Variants in ZNF200 observed in about 807,000 individuals in gnomAD.
The protein encoded by ZNF200 is zinc finger protein 200.
Under a neutral mutation model 33.6 loss-of-function variants are expected in ZNF200, and 35 were observed. The observed-to-expected ratio is 1.04, with a 90% confidence interval of 0.80 to 1.38. The LOEUF (loss-of-function observed/expected upper bound fraction) is 1.38. ZNF200 is among the 40% of genes most tolerant of loss of function. The pLI is 0.00. For synonymous variants in ZNF200, 209 were observed against 167.7 expected (o/e 1.25, Z -1.90); for missense variants, 592 against 470.6 (o/e 1.26, Z -2.39).
rs1805082948 is a variant in ZNF200, at chr16:3,222,511, A to T, written c.*1381T>A. ...TAATGGAAAAAACTACAATAACAAA[A>T]TTGTGTAAAACAAGTGAAGAAAATT... On this transcript the variant is annotated 3_prime_UTR_variant, in exon 5 of 5. Transcript: ENST00000414144. 1 of 152,236 alleles carries T rather than the reference A, an allele frequency of 6.6e-6. No individual in the cohort carries two copies. Among genetic ancestry groups the T allele is most frequent in the African/African-American group, 2.4e-5 (1 of 41,468 alleles). The allele number at this position is 152,236 out of a possible 1,614,324, so 9.4% of individuals were successfully genotyped here.
In ZNF200 at chr16:3,232,470, G is replaced by A; in HGVS notation, c.417C>T (p.Leu139=). 6.2e-7 allele frequency: 1 copy of A among 1,614,106 alleles called. No homozygotes were observed. Among genetic ancestry groups the A allele is most frequent in the Non-Finnish European group, 8.5e-7 (1 of 1,179,986 alleles). The change falls in exon 4 of 5, where the codon CTC becomes CTT. Residue 139 remains leucine, a synonymous_variant. Transcript: ENST00000414144. The part of the protein sequence containing the change: ...ECVSLDPTQQ[L]TSEKEDDSSV... ...TGCTGTCATCTTCCTTCTCTGACGT[G>A]AGTTGTTGAGTAGGATCCAAGCTCA...
chr16:3,223,697 A>G lies in ZNF200; in HGVS notation c.*195T>C. 2.6e-6 allele frequency: 2 copies of G among 776,202 alleles called. No homozygotes were observed. Among genetic ancestry groups the G allele is most frequent in the Non-Finnish European group, 3.9e-6 (2 of 507,650 alleles). The allele number at this position is 776,202 out of a possible 1,614,324, so 48.1% of individuals were successfully genotyped here. ...CCAAAAAGCCTAGATGCTGAGGTAT[A>G]GCCCTTGAAATGTTTTCTTCCCTGT... On this transcript the variant is annotated 3_prime_UTR_variant, in exon 5 of 5. Coordinates refer to ENST00000414144, the MANE Select transcript of ZNF200 (RefSeq NM_198088.3).
At chr16:3,225,060 A>G (rs1178005101) in intron 4 of ZNF200, 1 of 156,582 alleles carries the variant, frequency 6.4e-6, no homozygotes, top group Non-Finnish European at 1.4e-5. Context: ...TCACACTATT[A>G]TAGCACTAAA....
chr16:3,229,474 T>C (rs1279634337), intron 4 of ZNF200, among the ~76,000 whole-genome samples: 1 of 151,912 alleles, frequency 6.6e-6, no homozygotes, highest in African/African-American at 2.4e-5. Context: ...CCAATTTCCA[T>C]AGAGAAAATT....
At position 3,223,118 on chromosome 16, in the gene ZNF200, T is replaced by A. The variant is rs1958372869; in HGVS notation, c.*774A>T. 6.6e-6 allele frequency: 1 copy of A among 152,256 alleles called. No homozygotes were observed. Among genetic ancestry groups the A allele is most frequent in the African/African-American group, 2.4e-5 (1 of 41,456 alleles). 9.4% of individuals were successfully genotyped at this position (152,256 alleles called of 1,614,324 possible). ...TGAAGAGCTTTTCTAGTGGTGGGGC[T>A]GGATGGCCCTGCCTGAGTAATCCAA... On this transcript the variant is annotated 3_prime_UTR_variant, in exon 5 of 5. Coordinates refer to ENST00000414144, the MANE Select transcript of ZNF200 (RefSeq NM_198088.3).
chr16:3,228,751 T>C (rs1041069689), intron 4 of ZNF200, among the ~76,000 whole-genome samples: 1 of 152,032 alleles, frequency 6.6e-6, no homozygotes, highest in African/African-American at 2.4e-5. Flanking sequence ...TCACCCGCCT[T>C]TGCCTCCCAA....
intron 4 of ZNF200, chr16:3,224,874 C>T: frequency 2.2e-6 from 1 of 457,826 alleles, no homozygotes; most frequent in South Asian, 2.8e-5. Context: ...TTGTTCTCTT[C>T]ATAGGTGTTA....
At chr16:3,227,622 G>C (rs1958506477) in intron 4 of ZNF200, 1 of 152,190 alleles carries the variant, frequency 6.6e-6, no homozygotes, top group Non-Finnish European at 1.5e-5. Flanking sequence ...TCATGATAGT[G>C]AGTTCTCATG....
chr16:3,228,919 C>T (rs778458022), intron 4 of ZNF200, among the ~76,000 whole-genome samples: 2 of 152,030 alleles, frequency 1.3e-5, no homozygotes, highest in Non-Finnish European at 2.9e-5. Context: ...AAACATTATA[C>T]AGACCTTCAT....
chr16:3,231,956 G>A (rs1958646143), intron 4 of ZNF200, among the ~76,000 whole-genome samples: 3 of 152,190 alleles, frequency 2.0e-5, no homozygotes, highest in African/African-American at 7.2e-5. Flanking sequence ...CTAGTGCCTA[G>A]CATGTAACAG....
At chr16:3,231,764 C>T (rs1276961015) in intron 4 of ZNF200, among the ~76,000 whole-genome samples, 1 of 152,192 alleles carries the variant, frequency 6.6e-6, no homozygotes. Flanking sequence ...ACTGCAAATT[C>T]TGATGTCAGA....
chr16:3,229,990 G>A (rs570613433), intron 4 of ZNF200, among the ~76,000 whole-genome samples: 5 of 152,244 alleles, frequency 3.3e-5, no homozygotes, highest in Non-Finnish European at 4.4e-5. Flanking sequence ...AGTCGGAGGT[G>A]TCTGCATCAT....
At position 3,222,773 on chromosome 16, in the gene ZNF200, G is replaced by A. The variant is rs1416986507; in HGVS notation, c.*1119C>T. On this transcript the variant is annotated 3_prime_UTR_variant, in exon 5 of 5. Transcript: ENST00000414144. ...TTGCTTCTAGGCAGAGGACAGGAAGGTATGGATATCAAGAGGCTGAAGACA... is the reference window on the plus strand; with the variant it reads ...TTGCTTCTAGGCAGAGGACAGGAAGATATGGATATCAAGAGGCTGAAGACA... 2.0e-5 allele frequency: 3 copies of A among 152,344 alleles called. No individual in the cohort carries two copies. The highest frequency in any genetic ancestry group is 2.1e-4 in the South Asian group (1 of 4,822). 9.4% of individuals were successfully genotyped at this position (152,344 alleles called of 1,614,324 possible). A position where few individuals can be genotyped will look rare whatever the true frequency, so the allele number is the denominator to read the frequency against.
Position 3,223,870 on chromosome 16 carries a change from G to C in ZNF200, c.*22C>G. The stretch of plus-strand genomic sequence containing the variant: ...CTCTCAGGTTGAGGCAGCACCATCA[G>C]ACCCAGAAAGGGTTCCCAGTATTAC... On this transcript the variant is annotated 3_prime_UTR_variant, in exon 5 of 5. Transcript: ENST00000414144. 6.3e-7 allele frequency: 1 copy of C among 1,583,728 alleles called. No individual in the cohort carries two copies.
chr16:3,232,047 T>C (rs1373582632), intron 4 of ZNF200, among the ~76,000 whole-genome samples: 1 of 152,208 alleles, frequency 6.6e-6, no homozygotes, highest in Non-Finnish European at 1.5e-5. Flanking sequence ...AGTCTTCACA[T>C]CTATTGAACA....
intron 3 of ZNF200, 58 bp downstream of exon 3, chr16:3,232,775 G>C: frequency 1.9e-6 from 3 of 1,566,758 alleles, no homozygotes; most frequent in Non-Finnish European, 2.6e-6. Flanking sequence ...TTTACACACA[G>C]GTTGGCCAAG....
At chr16:3,229,947 G>T (rs192601922) in intron 4 of ZNF200, among the ~76,000 whole-genome samples, 11 of 152,302 alleles carry the variant, frequency 7.2e-5, no homozygotes, top group African/African-American at 2.6e-4. Flanking sequence ...TAAAGACAGA[G>T]AAATCTGAGC....
chr16:3,228,184 C>G (rs1958523526), intron 4 of ZNF200, among the ~76,000 whole-genome samples: 1 of 152,042 alleles, frequency 6.6e-6, no homozygotes, highest in Non-Finnish European at 1.5e-5. Flanking sequence ...TCCACTGTAT[C>G]TTCTAAATGA....
rs1470585486 is a variant in ZNF200, at chr16:3,233,521, T to G, written c.235A>C (p.Ser79Arg). The change falls in exon 2 of 5, where the codon AGC becomes CGC. Residue 79 changes from serine to arginine, a missense_variant. Physicochemically the swap from Ser to Arg is moderately radical, Grantham distance 110 (BLOSUM62 -1). Transcript: ENST00000414144. ...TGCTTCTCACCTCTGTTCTGAAGGC[T>G]TGAGCTCACATCTTTCATAATAACC... ...TLVIMKDVSS[S>R]LQNRVHPRPL... The G allele has an allele frequency of 1.3e-6, 2 of 1,563,198 alleles. No individual in the cohort carries two copies. Among genetic ancestry groups the G allele is most frequent in the South Asian group, 1.2e-5 (1 of 82,406 alleles).
Sources: allele counts gnomAD v4.1 joint callset (sites outside exome capture counted in the v4.1 genomes callset), GRCh38; gene constraint gnomAD v4.1.1; transcripts MANE v1.5; gene names NCBI Gene and HGNC (gene_info 2026-07-23, HGNC 2026-07-21).